DCLK2: variants seen among roughly 807,000 people sequenced by gnomAD.
The protein encoded by DCLK2 is serine/threonine-protein kinase DCLK2.
Under a neutral mutation model 78.4 loss-of-function variants are expected in DCLK2, and 31 were observed. The ratio of observed to expected loss-of-function variants is 0.40; its 90% CI spans 0.30 to 0.53. DCLK2 has a LOEUF of 0.53. Ranked by LOEUF, DCLK2 falls within the 20% of genes least tolerant of loss-of-function variation. DCLK2 has a pLI of 0.61. For missense variants in DCLK2, 872 were observed against 973.7 expected, an observed-to-expected ratio of 0.90 and a Z score of 1.39; for synonymous variants, 407 against 374.9, an observed-to-expected ratio of 1.09 and a Z score of -0.99.
intron 2 of DCLK2, among the ~76,000 whole-genome samples, chr4:150,192,475 T>C (rs1738524755): frequency 3.3e-5 from 1 of 30,086 alleles, no homozygotes; most frequent in African/African-American, 8.6e-5. Flanking sequence ...CAAGATTGCG[T>C]CTCAAAAAAA....
intron 2 of DCLK2, among the ~76,000 whole-genome samples, chr4:150,188,822 G>A (rs1024024348): frequency 2.7e-5 from 4 of 150,182 alleles, no homozygotes; most frequent in Non-Finnish European, 4.4e-5. Flanking sequence ...GGAGAATGGC[G>A]TGAACCTGGG....
At chr4:150,115,529 G>T (rs1732014595) in intron 2 of DCLK2, among the ~76,000 whole-genome samples, 1 of 151,914 alleles carries the variant, frequency 6.6e-6, no homozygotes, top group South Asian at 2.1e-4. Flanking sequence ...GTTTATTTTT[G>T]TGGGGTTTTT....
intron 2 of DCLK2, among the ~76,000 whole-genome samples, chr4:150,184,601 CTTTTTT>C (rs746012032): frequency 3.4e-4 from 15 of 43,970 alleles, no homozygotes; most frequent in Admixed American, 5.3e-4. Context: ...TCTTCTTCTT[CTTTTTT>C]TTTTTTTTTT....
intron 5 of DCLK2, among the ~76,000 whole-genome samples, chr4:150,213,888 A>G (rs1740492028): frequency 1.3e-5 from 2 of 152,206 alleles, no homozygotes; most frequent in South Asian, 2.1e-4. Context: ...AGAATCGCCA[A>G]GAAGCTCTTG....
At chr4:150,092,983 AAGGAAGAAGC>A (rs1205607411) in intron 1 of DCLK2, among the ~76,000 whole-genome samples, 1 of 152,172 alleles carries the variant, frequency 6.6e-6, no homozygotes, top group African/African-American at 2.4e-5. Flanking sequence ...CTAAATCAGA[AAGGAAGAAGC>A]ACAATTATCT....
At chr4:150,108,686 A>AT (rs929813192) in intron 2 of DCLK2, among the ~76,000 whole-genome samples, 1 of 152,024 alleles carries the variant, frequency 6.6e-6, no homozygotes, top group African/African-American at 2.4e-5. Context: ...AGCAAGGAGA[A>AT]TTTTTTTTAA....
chr4:150,107,530 C>A lies in DCLK2; in HGVS notation c.756+4718C>A, dbSNP rs375132132. Reference sequence around the variant, plus strand: ...TAGCTGGGACTACAGGCACATGACACCATGCCTGGCTAATTTTTGTATTTT... The same window carrying A: ...TAGCTGGGACTACAGGCACATGACAACATGCCTGGCTAATTTTTGTATTTT... On this transcript the variant is annotated intron_variant, in intron 2 of 15. Transcript: ENST00000296550. 1.3e-4 allele frequency among the ~76,000 whole-genome samples: 19 copies of A among 151,902 alleles called. No homozygotes were observed. The East Asian group carries it at 3.5e-3, about 28-fold the overall frequency.
chr4:150,236,005 C>T (rs1001605973), intron 10 of DCLK2, among the ~76,000 whole-genome samples: 3 of 152,116 alleles, frequency 2.0e-5, no homozygotes, highest in African/African-American at 4.8e-5. Context: ...TCAGGTTGTC[C>T]AGGAGTTCTG....
intron 2 of DCLK2, among the ~76,000 whole-genome samples, chr4:150,158,476 T>C (rs140390009): frequency 2.0e-5 from 3 of 152,296 alleles, no homozygotes; most frequent in Non-Finnish European, 2.9e-5. Flanking sequence ...CCTTTGAGAA[T>C]GCATGAGCTA....
intron 1 of DCLK2, among the ~76,000 whole-genome samples, chr4:150,099,310 C>A (rs540601946): frequency 6.6e-6 from 1 of 152,176 alleles, no homozygotes; most frequent in Admixed American, 6.5e-5. Flanking sequence ...CCTCCCTCTT[C>A]GGCCTCCCAA....
At chr4:150,100,525 T>TG (rs1159760232) in intron 1 of DCLK2, among the ~76,000 whole-genome samples, 1 of 152,204 alleles carries the variant, frequency 6.6e-6, no homozygotes, top group Non-Finnish European at 1.5e-5. Flanking sequence ...TACTTATCCC[T>TG]GCCCTTTTTA....
intron 5 of DCLK2, among the ~76,000 whole-genome samples, chr4:150,210,958 AAAAAAG>A (rs1740258479): frequency 2.0e-5 from 3 of 151,514 alleles, no homozygotes; most frequent in African/African-American, 7.3e-5. Context: ...CAAAAAAAAA[AAAAAAG>A]AAAGAAAGAA....
At chr4:150,200,258 A>G (rs1203334338) in intron 4 of DCLK2, among the ~76,000 whole-genome samples, 4 of 152,238 alleles carry the variant, frequency 2.6e-5, no homozygotes, top group Non-Finnish European at 4.4e-5. Context: ...AGTACACACA[A>G]TTTTAAATTA....
chr4:150,195,764 A>G (rs1051557157), intron 3 of DCLK2, among the ~76,000 whole-genome samples: 1 of 151,414 alleles, frequency 6.6e-6, no homozygotes, highest in African/African-American at 2.4e-5. Flanking sequence ...AGGGCCTGCA[A>G]TAGTTAGAAG....
At chr4:150,204,537 TAATTTAA>T (rs1739702620) in intron 5 of DCLK2, among the ~76,000 whole-genome samples, 1 of 152,200 alleles carries the variant, frequency 6.6e-6, no homozygotes, top group South Asian at 2.1e-4. Context: ...TAGTTCCTAA[TAATTTAA>T]ATTTAGAAGA....
Position 150,240,418 on chromosome 4 carries a change from A to T in DCLK2, c.1720A>T (p.Ile574Phe). The change falls in exon 12 of 16, where the codon ATT (isoleucine) becomes TTT (phenylalanine). Residue 574 changes from isoleucine to phenylalanine, a missense_variant. By Grantham distance (21) the Ile-to-Phe change is conservative. Coordinates refer to ENST00000296550, the MANE Select transcript of DCLK2 (RefSeq NM_001040260.4). ...TCCTAGCTATGGCCTGAAGGTGGAC[A>T]TTTGGGCAGCTGGTGTGATCACATA... ...AETGYGLKVD[I>F]WAAGVITYIL... The T allele has an allele frequency of 6.2e-7, 1 of 1,613,782 alleles. No individual in the cohort carries two copies. Among genetic ancestry groups the T allele is most frequent in the Non-Finnish European group, 8.5e-7 (1 of 1,179,856 alleles).
At chr4:150,208,662 A>T (rs535095719) in intron 5 of DCLK2, among the ~76,000 whole-genome samples, 4 of 152,128 alleles carry the variant, frequency 2.6e-5, no homozygotes, top group South Asian at 2.1e-4. Flanking sequence ...GGCTGGGTGA[A>T]GAGGGGTGGA....
chr4:150,106,614 G>C (rs553563324), intron 2 of DCLK2, among the ~76,000 whole-genome samples: 6 of 152,206 alleles, frequency 3.9e-5, no homozygotes, highest in Non-Finnish European at 8.8e-5. Flanking sequence ...CACAAGGATA[G>C]AAATTAAATA....
intron 2 of DCLK2, among the ~76,000 whole-genome samples, chr4:150,110,658 C>T (rs751232046): frequency 2.8e-4 from 42 of 152,074 alleles, no homozygotes; most frequent in Non-Finnish European, 5.9e-4. Flanking sequence ...TTCTGAGTCT[C>T]TAAAGTCCTT....
Sources: gnomAD v4.1 joint callset for allele counts (sites outside exome capture counted in the v4.1 genomes callset) on GRCh38, gnomAD v4.1.1 for gene constraint, MANE v1.5 for transcripts, NCBI Gene and HGNC (gene_info 2026-07-23, HGNC 2026-07-21) for gene names.